The following C12orf42 variants were observed in gnomAD, a reference collection of about 807,000 sequenced individuals.
The protein encoded by C12orf42 is uncharacterized protein C12orf42.
Under a neutral mutation model 21.6 loss-of-function variants are expected in C12orf42, and 25 were observed. The observed-to-expected ratio is 1.16, with a 90% CI of 0.84 to 1.62. The LOEUF (loss-of-function observed/expected upper bound fraction) is 1.62. C12orf42 is among the 40% of genes most tolerant of loss of function. The pLI, the probability that C12orf42 is intolerant of heterozygous loss-of-function variation, is 0.00. For synonymous variants in C12orf42, 174 were observed against 175.0 expected (o/e 0.99, Z 0.05); for missense variants, 483 against 459.3 (o/e 1.05, Z -0.47).
chr12:103,465,831 C>A (rs777926601), intron 2 of C12orf42, among the ~76,000 whole-genome samples: 1 of 152,116 alleles, frequency 6.6e-6, no homozygotes, highest in Non-Finnish European at 1.5e-5. Flanking sequence ...TATTGAAGGA[C>A]TTTTCTGCCT....
At chr12:103,197,669 G>T in the C12orf42 span, among the ~76,000 whole-genome samples, 1 of 152,158 alleles carries the variant, frequency 6.6e-6, no homozygotes, top group African/African-American at 2.4e-5. Context: ...TATTGCACTG[G>T]TTGTTTCTCA....
chr12:103,480,244 A>C (rs962531931), intron 1 of C12orf42, among the ~76,000 whole-genome samples: 2 of 151,796 alleles, frequency 1.3e-5, no homozygotes, highest in African/African-American at 2.4e-5. Flanking sequence ...TAATACACAC[A>C]TATTTTTATC....
the C12orf42 span, among the ~76,000 whole-genome samples, chr12:103,197,138 T>C: frequency 6.6e-6 from 1 of 152,210 alleles, no homozygotes; most frequent in African/African-American, 2.4e-5. Context: ...AGCATTTGCT[T>C]GTCTGAAAAA....
At chr12:103,330,050 A>G (rs900292660) in intron 4 of C12orf42, among the ~76,000 whole-genome samples, 1 of 152,122 alleles carries the variant, frequency 6.6e-6, no homozygotes, top group Non-Finnish European at 1.5e-5. Flanking sequence ...TCCTTTGCTC[A>G]TTTACTCCTT....
the C12orf42 span, among the ~76,000 whole-genome samples, chr12:103,092,728 T>G: frequency 1.3e-5 from 2 of 152,226 alleles, no homozygotes; most frequent in Non-Finnish European, 2.9e-5. Flanking sequence ...CTACAGCATT[T>G]GTTAAGGACT....
intron 10 of C12orf42, among the ~76,000 whole-genome samples, chr12:103,256,105 T>TAC (rs2034580049): frequency 4.2e-4 from 16 of 37,844 alleles, no homozygotes; most frequent in African/African-American, 1.2e-3. Flanking sequence ...TATATATATA[T>TAC]ATATATACAC....
At chr12:103,320,379 G>A (rs898585558) in intron 4 of C12orf42, among the ~76,000 whole-genome samples, 3 of 152,162 alleles carry the variant, frequency 2.0e-5, no homozygotes, top group East Asian at 1.9e-4. Context: ...ATATTTTAAC[G>A]CCTCAGAGTC....
the C12orf42 span, among the ~76,000 whole-genome samples, chr12:103,192,430 G>A: frequency 2.0e-5 from 3 of 151,084 alleles, no homozygotes; most frequent in Non-Finnish European, 4.4e-5. Context: ...TTGAACCTGG[G>A]AGGCAGAGGT....
the C12orf42 span, chr12:103,557,944 T>A: frequency 6.6e-6 from 1 of 152,240 alleles, no homozygotes; most frequent in Non-Finnish European, 1.5e-5. Context: ...AAATGTTAAA[T>A]TGGCCTTGCT....
At chr12:103,387,471 A>C (rs2046710008) in intron 3 of C12orf42, among the ~76,000 whole-genome samples, 1 of 152,076 alleles carries the variant, frequency 6.6e-6, no homozygotes, top group Non-Finnish European at 1.5e-5. Flanking sequence ...TTATTTATTC[A>C]CTTTGTGTAT....
intron 10 of C12orf42, among the ~76,000 whole-genome samples, chr12:103,253,927 G>T (rs1420521975): frequency 6.6e-6 from 1 of 151,780 alleles, no homozygotes; most frequent in Non-Finnish European, 1.5e-5. Context: ...TCGGTAGGTT[G>T]TCTGTTTGCT....
chr12:103,542,462 C>G, the C12orf42 span, among the ~76,000 whole-genome samples: 1 of 152,240 alleles, frequency 6.6e-6, no homozygotes, highest in Non-Finnish European at 1.5e-5. Flanking sequence ...ATGCAGGTTT[C>G]AAGGCTTTTA....
intron 2 of C12orf42, among the ~76,000 whole-genome samples, chr12:103,437,958 G>A (rs1278914119): frequency 1.6e-3 from 236 of 146,012 alleles, no homozygotes; most frequent in African/African-American, 6.0e-3. Flanking sequence ...AACAAAAAAA[G>A]AGAATTTTAG....
the C12orf42 span, among the ~76,000 whole-genome samples, chr12:103,186,192 A>G: frequency 1.3e-5 from 2 of 152,230 alleles, no homozygotes. Context: ...AGGTCAAGAA[A>G]GCTACCAGGT....
chr12:103,127,754 AAATATT>A, the C12orf42 span, among the ~76,000 whole-genome samples: 1 of 152,212 alleles, frequency 6.6e-6, no homozygotes, highest in Non-Finnish European at 1.5e-5. Context: ...ATCTGGACCA[AAATATT>A]AATAATGCTG....
At chr12:103,065,878 A>G in the C12orf42 span, among the ~76,000 whole-genome samples, 1 of 152,196 alleles carries the variant, frequency 6.6e-6, no homozygotes, top group Non-Finnish European at 1.5e-5. Context: ...AAGTGGCCTG[A>G]AAGGCTGCCA....
chr12:103,305,436 G>GA (rs1189519422), intron 5 of C12orf42, among the ~76,000 whole-genome samples: 1 of 152,130 alleles, frequency 6.6e-6, no homozygotes, highest in African/African-American at 2.4e-5. Context: ...AAAAAACTGG[G>GA]CTGCAAAAAC....
chr12:103,184,696 A>G, the C12orf42 span, among the ~76,000 whole-genome samples: 1 of 142,970 alleles, frequency 7.0e-6, no homozygotes, highest in South Asian at 2.4e-4. Flanking sequence ...CATAAGTACT[A>G]TAGGCTGAAT....
chr12:103,465,015 G>T (rs1487259271), intron 2 of C12orf42, among the ~76,000 whole-genome samples: 1 of 152,026 alleles, frequency 6.6e-6, no homozygotes, highest in African/African-American at 2.4e-5. Flanking sequence ...TTCCAGCTTT[G>T]TTCTTTTTAC....
Sources: allele counts gnomAD v4.1 joint callset (sites outside exome capture counted in the v4.1 genomes callset), GRCh38; gene constraint gnomAD v4.1.1; transcripts MANE v1.5; gene names NCBI Gene and HGNC (gene_info 2026-07-23, HGNC 2026-07-21).